Variants in ARID4B observed in about 807,000 individuals in gnomAD.
ARID4B encodes the protein AT-rich interaction domain 4B, also known as AT-rich interactive domain-containing protein 4B.
ARID4B carries 26 observed loss-of-function variants against 147.5 expected under a neutral mutation model. The observed-to-expected ratio is 0.18, with a 90% confidence interval of 0.13 to 0.24. ARID4B has a LOEUF of 0.24. ARID4B is among the 10% of genes least tolerant of loss of function. ARID4B has a pLI of 1.00. For missense variants in ARID4B, 1,179 were observed against 1,511.5 expected (o/e 0.78, Z 3.65); for synonymous variants, 512 against 507.9 (o/e 1.01, Z -0.11).
intron 2 of ARID4B, among the ~76,000 whole-genome samples, chr1:235,309,123 C>A (rs1322555888): frequency 6.7e-6 from 1 of 149,394 alleles, no homozygotes; most frequent in East Asian, 2.0e-4. Context: ...ACCTCTGCCC[C>A]GCCGCCCCGT....
chr1:235,174,408 T>C (rs1663699303), intron 22 of ARID4B, among the ~76,000 whole-genome samples: 1 of 152,210 alleles, frequency 6.6e-6, no homozygotes, highest in Non-Finnish European at 1.5e-5. Flanking sequence ...AACCAATTTA[T>C]TTATTCAAAC....
intron 2 of ARID4B, among the ~76,000 whole-genome samples, chr1:235,325,559 T>C (rs1675170334): frequency 6.6e-6 from 1 of 152,204 alleles, no homozygotes; most frequent in Non-Finnish European, 1.5e-5. Context: ...TTATTATTTC[T>C]TACTCAAACC....
At chr1:235,326,879 A>G (rs1368113865) in intron 2 of ARID4B, 35 bp downstream of exon 2, 9 of 1,613,170 alleles carry the variant, frequency 5.6e-6, no homozygotes, top group East Asian at 2.2e-5. Context: ...TGAATTCGAT[A>G]ACCCCAGAGA....
Position 235,242,011 on chromosome 1 carries a change from G to A in ARID4B, c.447-1560C>T, listed in dbSNP as rs149624709. On this transcript the variant is annotated intron_variant, in intron 7 of 23. Coordinates refer to ENST00000264183, the MANE Select transcript of ARID4B (RefSeq NM_016374.6). ...TATTGTACTCCCAGCACTTTGGGAG[G>A]CGAAGGCAGGTGGATCACCTGAGGT... 5.7e-3 allele frequency among the ~76,000 whole-genome samples: 866 copies of A among 152,026 alleles called. 13 individuals are homozygous for A. Among genetic ancestry groups the A allele is most frequent in the African/African-American group, 0.02 (827 of 41,462 alleles).
intron 15 of ARID4B, 33 bp downstream of exon 15, chr1:235,220,269 A>G: frequency 6.4e-7 from 1 of 1,554,344 alleles, no homozygotes. Flanking sequence ...TATACCAAAG[A>G]AAGCAAAAGA....
chr1:235,276,815 A>G (rs892465159), intron 2 of ARID4B, among the ~76,000 whole-genome samples: 1 of 152,120 alleles, frequency 6.6e-6, no homozygotes, highest in African/African-American at 2.4e-5. Context: ...CCTGGCCAAC[A>G]TGGTGAAACC....
chr1:235,255,948 T>C (rs1426039679), intron 4 of ARID4B, among the ~76,000 whole-genome samples, 198 bp from the exon 5 acceptor site: 2 of 151,704 alleles, frequency 1.3e-5, no homozygotes, highest in East Asian at 3.9e-4. Context: ...CTGAGGCAGG[T>C]GGATCACTTG....
chr1:235,277,747 A>G (rs1671433856), intron 2 of ARID4B, among the ~76,000 whole-genome samples: 1 of 151,774 alleles, frequency 6.6e-6, no homozygotes, highest in Non-Finnish European at 1.5e-5. Flanking sequence ...CTTCCATACT[A>G]CCTCACACTA....
Position 235,221,744 on chromosome 1 carries a change from T to C in ARID4B, c.1066-82A>G, listed in dbSNP as rs189040804. The stretch of plus-strand genomic sequence containing the variant: ...TTTTGATAGACACAGTATATATGAG[T>C]ATATTTTTATATTTATTGGTCCTAG... On this transcript the variant is annotated intron_variant, in intron 13 of 23. Transcript: ENST00000264183. 4.0e-3 allele frequency: 2,246 copies of C among 559,104 alleles called. 28 individuals carry two copies. Among genetic ancestry groups the C allele is most frequent in the African/African-American group, 0.033 (1,729 of 51,920 alleles). 34.6% of individuals were successfully genotyped at this position (559,104 alleles called of 1,614,324 possible).
intron 2 of ARID4B, among the ~76,000 whole-genome samples, chr1:235,302,030 C>T (rs1163167592): frequency 5.3e-5 from 8 of 150,320 alleles, no homozygotes; most frequent in Non-Finnish European, 1.0e-4. Flanking sequence ...AACGGGGTTT[C>T]GCCATGTTGC....
intron 16 of ARID4B, among the ~76,000 whole-genome samples, chr1:235,216,340 C>T (rs954843274): frequency 1.4e-5 from 2 of 145,950 alleles, no homozygotes; most frequent in Non-Finnish European, 3.0e-5. Context: ...CACATATATA[C>T]GTGTATATAT....
At position 235,223,382 on chromosome 1, in the gene ARID4B, T is replaced by TATATATACACGTATATATATATATAC. The variant is rs71172272; in HGVS notation, c.971-123_971-122insGTATATATATATATACGTGTATATAT. On this transcript the variant is annotated intron_variant, in intron 12 of 23. Transcript: ENST00000264183. ...ATATATATACACGTATATATATATATACACGTATATATATGTGTGTGTATA... is the reference window on the plus strand; with the variant it reads ...ATATATATACACGTATATATATATATATATATACACGTATATATATATATACACACGTATATATATGTGTGTGTATA... 378 of 214,000 alleles carry TATATATACACGTATATATATATATAC rather than the reference T, an allele frequency of 1.8e-3. 5 individuals carry two copies. The highest frequency in any genetic ancestry group is 3.8e-3 in the Middle Eastern group (2 of 522). 13.3% of individuals were successfully genotyped at this position (214,000 alleles called of 1,614,324 possible).
At chr1:235,192,221 T>C (rs1240994401) in intron 19 of ARID4B, among the ~76,000 whole-genome samples, 2 of 151,418 alleles carry the variant, frequency 1.3e-5, no homozygotes, top group Non-Finnish European at 2.9e-5. Context: ...GGAGGAGACA[T>C]ACTACGAAGT....
At chr1:235,195,675 A>G (rs1665445171) in intron 18 of ARID4B, among the ~76,000 whole-genome samples, 1 of 152,218 alleles carries the variant, frequency 6.6e-6, no homozygotes, top group Non-Finnish European at 1.5e-5. Context: ...GAGTTGCCAG[A>G]TAGCCTTTTC....
At chr1:235,306,233 T>G (rs1468095722) in intron 2 of ARID4B, among the ~76,000 whole-genome samples, 2 of 152,062 alleles carry the variant, frequency 1.3e-5, no homozygotes, top group Non-Finnish European at 2.9e-5. Context: ...AAAATAAGAT[T>G]GTGCTGGCTG....
At chr1:235,269,474 T>C (rs947412122) in intron 2 of ARID4B, among the ~76,000 whole-genome samples, 5 of 152,206 alleles carry the variant, frequency 3.3e-5, no homozygotes, top group Non-Finnish European at 7.3e-5. Context: ...TGAGAAAAAG[T>C]AGACAGACCG....
intron 2 of ARID4B, among the ~76,000 whole-genome samples, chr1:235,282,743 A>G (rs1371529763): frequency 6.6e-6 from 1 of 152,184 alleles, no homozygotes. Context: ...ATTTAACCAG[A>G]CATGGAAATA....
intron 17 of ARID4B, among the ~76,000 whole-genome samples, chr1:235,209,900 C>T (rs1666601332): frequency 6.6e-6 from 1 of 152,132 alleles, no homozygotes; most frequent in Admixed American, 6.6e-5. Flanking sequence ...GACAGACACT[C>T]TTACATTATT....
intron 2 of ARID4B, among the ~76,000 whole-genome samples, chr1:235,296,823 A>AGGG (rs1672757986): frequency 9.2e-5 from 3 of 32,780 alleles, no homozygotes; most frequent in African/African-American, 2.3e-4. Context: ...GGAAGGAAGG[A>AGGG]AGGAAGGAAG....
Sources: gnomAD v4.1 joint callset for allele counts (sites outside exome capture counted in the v4.1 genomes callset) on GRCh38, gnomAD v4.1.1 for gene constraint, MANE v1.5 for transcripts, NCBI Gene and HGNC (gene_info 2026-07-23, HGNC 2026-07-21) for gene names.